ABCG1: variants seen among roughly 807,000 people sequenced by gnomAD.
ABCG1 encodes ATP binding cassette subfamily G member 1, also known as ATP-binding cassette sub-family G member 1.
A neutral mutation model predicts 69.2 loss-of-function variants in ABCG1; 29 were observed. The ratio of observed to expected loss-of-function variants is 0.42; its 90% CI spans 0.31 to 0.57. The LOEUF (loss-of-function observed/expected upper bound fraction) is 0.57. Ranked by LOEUF, ABCG1 falls within the 20% of genes least tolerant of loss-of-function variation. The pLI is 0.15. For synonymous variants in ABCG1, 370 were observed against 374.8 expected, an observed-to-expected ratio of 0.99 and a Z score of 0.15; for missense variants, 718 against 898.1, an observed-to-expected ratio of 0.80 and a Z score of 2.56.
chr21:42,236,344 A>G (rs1282036283), intron 2 of ABCG1, among the ~76,000 whole-genome samples: 1 of 152,232 alleles, frequency 6.6e-6, no homozygotes, highest in Non-Finnish European at 1.5e-5. Flanking sequence ...GTGTGAACCC[A>G]AAAGTGTGAT....
intron 6 of ABCG1, 147 bp from the exon 7 acceptor site, chr21:42,284,413 G>A (rs1217294495): frequency 2.9e-5 from 28 of 964,832 alleles, no homozygotes; most frequent in Non-Finnish European, 4.2e-5. Flanking sequence ...AACAGCAAGA[G>A]CAGAGCCCGG....
At chr21:42,289,048 G>T (rs540730753) in intron 10 of ABCG1, among the ~76,000 whole-genome samples, 1 of 152,250 alleles carries the variant, frequency 6.6e-6, no homozygotes, top group East Asian at 1.9e-4. Context: ...CAACATTGGG[G>T]ATTACAATTT....
chr21:42,292,151 T>C (rs146328915), intron 13 of ABCG1, among the ~76,000 whole-genome samples: 59 of 152,220 alleles, frequency 3.9e-4, no homozygotes, highest in African/African-American at 1.2e-3. Context: ...ACCTGCAGGT[T>C]CTCTACCTCT....
At chr21:42,201,653 C>A in exon 2 of ABCG1, 1 of 1,604,900 alleles carries the variant, frequency 6.2e-7, no homozygotes, top group Non-Finnish European at 8.5e-7. Context: ...GGATCACCGA[C>A]TCTGTGCCAG....
Position 42,267,890 on chromosome 21 carries a change from G to C in ABCG1, c.287-3180G>C, listed in dbSNP as rs1327908137. On this transcript the variant is annotated intron_variant, in intron 2 of 14. Transcript: ENST00000398449. ...TCTGGTCTGGGTTCTGTCTGGGTGTGGTCTGGGTTCTGTCTGGGTGTGGTC... is the reference window on the plus strand; with the variant it reads ...TCTGGTCTGGGTTCTGTCTGGGTGTCGTCTGGGTTCTGTCTGGGTGTGGTC... Among the ~76,000 whole-genome samples the C allele has an allele frequency of 7.3e-4, 110 of 150,990 alleles. 1 individual carries two copies. Among genetic ancestry groups the C allele is most frequent in the African/African-American group, 2.6e-3 (108 of 41,086 alleles).
chr21:42,221,634 G>A (rs1326507782), intron 1 of ABCG1, among the ~76,000 whole-genome samples: 2 of 152,186 alleles, frequency 1.3e-5, no homozygotes, highest in African/African-American at 4.8e-5. Flanking sequence ...TTTCTTCTGG[G>A]CAGTCGCCTT....
chr21:42,242,697 T>C (rs567424304), intron 2 of ABCG1, among the ~76,000 whole-genome samples: 1 of 152,310 alleles, frequency 6.6e-6, no homozygotes, highest in South Asian at 2.1e-4. Context: ...GGCTCTTGTG[T>C]TATTTCACAC....
chr21:42,265,876 G>A (rs764601721), intron 2 of ABCG1, among the ~76,000 whole-genome samples: 1 of 152,168 alleles, frequency 6.6e-6, no homozygotes, highest in South Asian at 2.1e-4. Context: ...GCCCCCTCGC[G>A]CACTGCCATA....
chr21:42,216,549 G>T (rs8130893), upstream of ABCG1, among the ~76,000 whole-genome samples: 7,281 of 152,246 alleles, frequency 0.048, 567 homozygotes, highest in African/African-American at 0.16. Context: ...TTGCTGCCAG[G>T]TGACAGGAGC....
At position 42,267,659 on chromosome 21, in the gene ABCG1, G is replaced by C. The variant is rs111164026; in HGVS notation, c.287-3411G>C. 4.5e-4 allele frequency among the ~76,000 whole-genome samples: 67 copies of C among 148,314 alleles called. 1 individual carries two copies. The highest frequency in any genetic ancestry group is 8.7e-4 in the South Asian group (4 of 4,600). On this transcript the variant is annotated intron_variant, in intron 2 of 14. Coordinates refer to ENST00000398449, the MANE Select transcript of ABCG1 (RefSeq NM_016818.3). ...TGTGGTCTGGGTTCTGTCTGGGTCT[G>C]GTCTGAGTTCTGTCTGGGTCTGGTC...
At chr21:42,227,954 A>G (rs987732085) in intron 2 of ABCG1, among the ~76,000 whole-genome samples, 1 of 152,174 alleles carries the variant, frequency 6.6e-6, no homozygotes, top group Admixed American at 6.5e-5. Context: ...GGATCCAATC[A>G]CACCTCTCGC....
At chr21:42,203,513 C>T (rs2067522307) in intron 2 of ABCG1, among the ~76,000 whole-genome samples, 1 of 152,204 alleles carries the variant, frequency 6.6e-6, no homozygotes, top group African/African-American at 2.4e-5. Context: ...AATGTGTCAG[C>T]AGCACTTGCT....
chr21:42,214,457 T>C (rs2067618584), upstream of ABCG1, among the ~76,000 whole-genome samples: 1 of 152,192 alleles, frequency 6.6e-6, no homozygotes, highest in African/African-American at 2.4e-5. Flanking sequence ...ACACGTACAC[T>C]CCCTCCCTTG....
Position 42,219,240 on chromosome 21 carries a change from G to C in ABCG1, c.-23G>C. 1 of 1,523,688 alleles carries C rather than the reference G, an allele frequency of 6.6e-7. No homozygotes were observed. Among genetic ancestry groups the C allele is most frequent in the Admixed American group, 2.1e-5 (1 of 48,332 alleles). The allele number at this position is 1,523,688 out of a possible 1,614,324, so 94.4% of individuals were successfully genotyped here. Reference sequence around the variant, plus strand: ...CCTCGTCCCCGCCGCCGCCGCCGCCGCCGCCGCCGCCGCCCCCGGGGCATG... The same window carrying C: ...CCTCGTCCCCGCCGCCGCCGCCGCCCCCGCCGCCGCCGCCCCCGGGGCATG... On this transcript the variant is annotated 5_prime_UTR_variant, in exon 1 of 15. Transcript: ENST00000398449. This position sits in a 1 kb window ranked among gnomAD's most constrained non-coding sequence, Gnocchi z 5.3.
intron 2 of ABCG1, among the ~76,000 whole-genome samples, chr21:42,234,946 C>T (rs1268072293): frequency 6.6e-6 from 1 of 152,060 alleles, no homozygotes; most frequent in Non-Finnish European, 1.5e-5. Flanking sequence ...GCGCGGGGAG[C>T]GGCGCGATTG....
intron 2 of ABCG1, chr21:42,256,608 CAG>C (rs1470639707): frequency 6.6e-7 from 1 of 1,512,784 alleles, no homozygotes. Context: ...ACAGTTTTTA[CAG>C]GCACAGGTCA....
chr21:42,294,574 C>T lies in ABCG1; in HGVS notation c.1686C>T (p.Ile562=). 1 of 1,614,228 alleles carries T rather than the reference C, an allele frequency of 6.2e-7. No individual in the cohort carries two copies. The highest frequency in any genetic ancestry group is 1.6e-4 in the Middle Eastern group (1 of 6,062). ...CTTTCGTGGGCCCAGTGACAGCCAT[C>T]CCGGTGCTCCTGTTCTCGGGGTTCT... ...VATFVGPVTA[I]PVLLFSGFFV... Residue 562 remains isoleucine, a synonymous_variant, in exon 14 of 15, where the codon ATC becomes ATT. Transcript: ENST00000398449.
intron 2 of ABCG1, chr21:42,259,610 CCTAA>C (rs1241903501): frequency 6.2e-6 from 9 of 1,442,706 alleles, no homozygotes; most frequent in Non-Finnish European, 8.2e-6. Flanking sequence ...TACCTTGTTT[CCTAA>C]CTGTCACTCA....
intron 13 of ABCG1, among the ~76,000 whole-genome samples, chr21:42,292,925 T>G (rs1162010549): frequency 9.2e-6 from 1 of 108,952 alleles, no homozygotes; most frequent in South Asian, 3.1e-4. Context: ...CCACACATAC[T>G]ACACACCACA....
Sources: allele counts gnomAD v4.1 joint callset (sites outside exome capture counted in the v4.1 genomes callset), GRCh38; gene constraint gnomAD v4.1.1; non-coding constraint Gnocchi (gnomAD v3.1); transcripts MANE v1.5; gene names NCBI Gene and HGNC (gene_info 2026-07-23, HGNC 2026-07-21).